ANKS1B: variants seen among roughly 807,000 people sequenced by gnomAD.
ANKS1B encodes ankyrin repeat and sterile alpha motif domain containing 1B.
In ANKS1B, 36 loss-of-function variants were observed where a neutral mutation model predicts 148.3. The observed-to-expected ratio is 0.24, with a 90% CI of 0.19 to 0.32. ANKS1B has a LOEUF of 0.32. ANKS1B is among the 10% of genes least tolerant of loss of function. The probability of loss-of-function intolerance (pLI) is 1.00; values close to 1 mark genes in which losing one functional copy is unlikely to be tolerated. For synonymous variants in ANKS1B, 542 were observed against 560.8 expected, an observed-to-expected ratio of 0.97 and a Z score of 0.47; for missense variants, 1,157 against 1,542.6, an observed-to-expected ratio of 0.75 and a Z score of 4.19.
At chr12:98,930,194 C>T (rs1035590906) in intron 17 of ANKS1B, among the ~76,000 whole-genome samples, 1 of 151,992 alleles carries the variant, frequency 6.6e-6, no homozygotes, top group African/African-American at 2.4e-5. Context: ...GTTACACAGC[C>T]TCACTAGTCA....
intron 10 of ANKS1B, among the ~76,000 whole-genome samples, chr12:99,450,660 G>C (rs897005119): frequency 3.3e-5 from 5 of 152,198 alleles, no homozygotes; most frequent in African/African-American, 1.2e-4. Flanking sequence ...ATTTGATTTT[G>C]TACTATCTTG....
intron 17 of ANKS1B, among the ~76,000 whole-genome samples, chr12:98,985,519 C>T (rs1216541091): frequency 6.6e-6 from 1 of 151,632 alleles, no homozygotes; most frequent in Non-Finnish European, 1.5e-5. Flanking sequence ...TTATTAGTTA[C>T]ACATTTTTGT....
At chr12:99,555,895 GT>G (rs764440466) in intron 9 of ANKS1B, among the ~76,000 whole-genome samples, 16 of 151,934 alleles carry the variant, frequency 1.1e-4, no homozygotes, top group Non-Finnish European at 1.6e-4. Context: ...CTGAAGATTT[GT>G]TTTTTGTTGT....
At chr12:99,486,315 GTTATAGTCT>G (rs907519846) in intron 10 of ANKS1B, among the ~76,000 whole-genome samples, 1 of 151,734 alleles carries the variant, frequency 6.6e-6, no homozygotes, top group Non-Finnish European at 1.5e-5. Flanking sequence ...GATTTCCTTG[GTTATAGTCT>G]TTGCATGATG....
intron 12 of ANKS1B, among the ~76,000 whole-genome samples, chr12:99,398,431 T>G (rs1384604277): frequency 6.6e-6 from 1 of 152,162 alleles, no homozygotes; most frequent in African/African-American, 2.4e-5. Context: ...ACTTCATTAT[T>G]CTAAATTCAA....
At chr12:99,674,080 G>A (rs1599384098) in intron 8 of ANKS1B, among the ~76,000 whole-genome samples, 1 of 151,530 alleles carries the variant, frequency 6.6e-6, no homozygotes, top group African/African-American at 2.4e-5. Flanking sequence ...GGTGCCCTAG[G>A]GAAATAAAAC....
At chr12:98,895,017 C>G (rs931807409) in intron 17 of ANKS1B, 1 of 829,650 alleles carries the variant, frequency 1.2e-6, no homozygotes, top group Admixed American at 6.3e-5. Flanking sequence ...GCGCGTCCTC[C>G]CCCGAACGCC....
chr12:99,244,478 T>C (rs2089941917), intron 13 of ANKS1B, 64 bp from the exon 14 acceptor site: 5 of 1,153,048 alleles, frequency 4.3e-6, no homozygotes, highest in Non-Finnish European at 4.9e-6. Context: ...TATTTTAAAA[T>C]AAGTTTCAAA....
intron 14 of ANKS1B, among the ~76,000 whole-genome samples, chr12:99,161,945 T>C (rs78366108): frequency 0.017 from 2,565 of 152,128 alleles, 77 homozygotes; most frequent in African/African-American, 0.058. Context: ...CTTGAGAGGA[T>C]AAATACAACG....
At chr12:98,770,999 T>C (rs1328442664) in intron 25 of ANKS1B, among the ~76,000 whole-genome samples, 1 of 152,226 alleles carries the variant, frequency 6.6e-6, no homozygotes, top group East Asian at 1.9e-4. Context: ...ATCAGAGATA[T>C]CCTCAAGCAA....
At chr12:99,137,748 T>C (rs886150537) in intron 15 of ANKS1B, among the ~76,000 whole-genome samples, 4 of 152,314 alleles carry the variant, frequency 2.6e-5, no homozygotes, top group Middle Eastern at 3.4e-3. Context: ...CTGTGTGCCA[T>C]GCTTTTTCTG....
chr12:99,343,351 G>C (rs1202513965), intron 12 of ANKS1B, among the ~76,000 whole-genome samples: 2 of 151,928 alleles, frequency 1.3e-5, no homozygotes, highest in Non-Finnish European at 2.9e-5. Context: ...TTTGAAGTTT[G>C]TTTTTTTACA....
intron 9 of ANKS1B, among the ~76,000 whole-genome samples, chr12:99,520,690 C>A (rs1040516105): frequency 6.6e-6 from 1 of 152,180 alleles, no homozygotes; most frequent in Non-Finnish European, 1.5e-5. Context: ...AGGCCAATAA[C>A]TCTTAGATTT....
At chr12:99,226,900 G>A (rs919550165) in intron 14 of ANKS1B, among the ~76,000 whole-genome samples, 2 of 152,152 alleles carry the variant, frequency 1.3e-5, no homozygotes, top group East Asian at 1.9e-4. Flanking sequence ...TTATAGGGAC[G>A]GCTAAACAGA....
rs1276149203 is a variant in ANKS1B at position 99,721,342 on chromosome 12, C to G, written c.1128+51580G>C. Among the ~76,000 whole-genome samples, 3 of 152,112 alleles carry G rather than the reference C, an allele frequency of 2.0e-5. No homozygotes were observed. In the East Asian group the frequency reaches 5.8e-4, roughly 29 times the overall value. The stretch of plus-strand genomic sequence containing the variant: ...AAGACAGGAACGTCAGGCCTCTGAG[C>G]CCAAGCTAAGCCATCATATCCCCTG... On this transcript the variant is annotated intron_variant, in intron 8 of 26. Coordinates refer to ENST00000683438, the MANE Select transcript of ANKS1B (RefSeq NM_001352186.2).
chr12:99,315,862 ACT>A (rs1265319602), intron 12 of ANKS1B, among the ~76,000 whole-genome samples: 3 of 150,146 alleles, frequency 2.0e-5, no homozygotes, highest in African/African-American at 4.9e-5. Flanking sequence ...GATGTTCCTC[ACT>A]CTGTGTCCAA....
At chr12:99,259,289 T>C (rs1231473100) in intron 12 of ANKS1B, among the ~76,000 whole-genome samples, 1 of 152,184 alleles carries the variant, frequency 6.6e-6, no homozygotes, top group South Asian at 2.1e-4. Flanking sequence ...AGCCCAAAGA[T>C]TGCTGGTATG....
chr12:99,081,178 CT>C (rs2049622653), intron 16 of ANKS1B, among the ~76,000 whole-genome samples: 1 of 152,058 alleles, frequency 6.6e-6, no homozygotes, highest in Admixed American at 6.6e-5. Context: ...AAACTTTTTT[CT>C]TTGAAGCTTG....
chr12:99,616,230 G>C (rs577448766), intron 9 of ANKS1B, among the ~76,000 whole-genome samples: 2 of 152,164 alleles, frequency 1.3e-5, no homozygotes, highest in Non-Finnish European at 2.9e-5. Flanking sequence ...GTAATTTATA[G>C]AGTCAATGCT....
Sources: allele counts gnomAD v4.1 joint callset (sites outside exome capture counted in the v4.1 genomes callset), GRCh38; gene constraint gnomAD v4.1.1; transcripts MANE v1.5; gene names NCBI Gene and HGNC (gene_info 2026-07-23, HGNC 2026-07-21).